The following PAX5 variants were observed in gnomAD, a reference collection of about 807,000 sequenced individuals.
PAX5 encodes paired box 5.
A neutral mutation model predicts 43.7 loss-of-function variants in PAX5; 9 were observed. The observed-to-expected ratio is 0.21, with a 90% CI of 0.12 to 0.36. The LOEUF (loss-of-function observed/expected upper bound fraction) is 0.36. Ranked by LOEUF, PAX5 falls within the 10% of genes least tolerant of loss-of-function variation. The probability of loss-of-function intolerance (pLI) is 1.00; values close to 1 mark genes in which losing one functional copy is unlikely to be tolerated. For missense variants in PAX5, 383 were observed against 532.7 expected (o/e 0.72, Z 2.77); for synonymous variants, 228 against 214.3 (o/e 1.06, Z -0.56).
intron 7 of PAX5, among the ~76,000 whole-genome samples, chr9:36,919,826 T>G (rs1829998589): frequency 2.7e-5 from 3 of 110,166 alleles, no homozygotes; most frequent in Admixed American, 2.7e-4. Flanking sequence ...GGCAACAGAG[T>G]GAGACTCTGT....
intron 6 of PAX5, chr9:36,930,757 G>A (rs931911594): frequency 1.1e-6 from 1 of 916,964 alleles, no homozygotes; most frequent in African/African-American, 1.7e-5. Context: ...AGAATCTGAG[G>A]GGTAAGGAGA....
intron 8 of PAX5, among the ~76,000 whole-genome samples, chr9:36,868,934 G>T (rs1305306558): frequency 6.6e-6 from 1 of 152,218 alleles, no homozygotes; most frequent in Admixed American, 6.5e-5. Flanking sequence ...GCACCATGCA[G>T]GTTGGGGGTG....
At chr9:37,033,750 G>T (rs1373785701) in intron 1 of PAX5, among the ~76,000 whole-genome samples, 1 of 152,198 alleles carries the variant, frequency 6.6e-6, no homozygotes, top group Non-Finnish European at 1.5e-5. Context: ...ACCCCCGGAA[G>T]GACGCCAGCG....
At chr9:36,906,920 C>T (rs891563739) in intron 7 of PAX5, among the ~76,000 whole-genome samples, 3 of 152,056 alleles carry the variant, frequency 2.0e-5, no homozygotes, top group African/African-American at 7.3e-5. Context: ...GTTGAGAAAC[C>T]GAGGTCACCA....
intron 8 of PAX5, among the ~76,000 whole-genome samples, chr9:36,875,698 CAG>C (rs1465098697): frequency 6.6e-6 from 1 of 152,088 alleles, no homozygotes; most frequent in African/African-American, 2.4e-5. Flanking sequence ...AAGGGAAACA[CAG>C]AGCTCTCTAA....
chr9:36,854,909 C>A (rs1259659213), intron 8 of PAX5, among the ~76,000 whole-genome samples: 1 of 152,232 alleles, frequency 6.6e-6, no homozygotes, highest in African/African-American at 2.4e-5. Flanking sequence ...CCGCGGACCC[C>A]ACAGCTGGAC....
chr9:37,026,627 G>A lies in PAX5; in HGVS notation c.47-5826C>T. On this transcript the variant is annotated intron_variant, in intron 1 of 9. Coordinates refer to ENST00000358127, the MANE Select transcript of PAX5 (RefSeq NM_016734.3). Reference sequence around the variant, plus strand: ...CCACGCCGCCGCCTCCCGGCGCCAAGGGGCTGCCCAGGGCGGATAGGGAGC... The same window carrying A: ...CCACGCCGCCGCCTCCCGGCGCCAAAGGGCTGCCCAGGGCGGATAGGGAGC... 3 of 1,352,228 alleles carry A rather than the reference G, an allele frequency of 2.2e-6. No homozygotes were observed. In the South Asian group the frequency reaches 3.7e-5, roughly 17 times the overall value. 83.8% of individuals were successfully genotyped at this position (1,352,228 alleles called of 1,614,324 possible). A position where few individuals can be genotyped will look rare whatever the true frequency, so the allele number is the denominator to read the frequency against.
intron 8 of PAX5, among the ~76,000 whole-genome samples, chr9:36,881,748 C>T (rs1019565819): frequency 3.3e-5 from 5 of 152,056 alleles, no homozygotes; most frequent in Non-Finnish European, 5.9e-5. Flanking sequence ...TGTTCAGACT[C>T]TGTACGTGGC....
intron 6 of PAX5, among the ~76,000 whole-genome samples, chr9:36,927,529 C>T (rs535145593): frequency 2.0e-5 from 3 of 152,138 alleles, no homozygotes; most frequent in Admixed American, 2.0e-4. Flanking sequence ...CTTTTTAAGA[C>T]AAGAAATCTT....
chr9:36,852,530 C>A lies in PAX5; in HGVS notation c.1013-5601G>T, dbSNP rs147849357. ...GGCGAGACTAGAAACAGAACGCTGGCAGTCAAGGAGCAGCTCCGAGGCCAT... is the reference window on the plus strand; with the variant it reads ...GGCGAGACTAGAAACAGAACGCTGGAAGTCAAGGAGCAGCTCCGAGGCCAT... On this transcript the variant is annotated intron_variant, in intron 8 of 9. Transcript: ENST00000358127. Among the ~76,000 whole-genome samples, 24 of 152,300 alleles carry A rather than the reference C, an allele frequency of 1.6e-4. No homozygotes were observed. In the East Asian group the frequency reaches 4.2e-3, roughly 27 times the overall value.
At chr9:37,019,857 T>C (rs1177820580) in intron 2 of PAX5, among the ~76,000 whole-genome samples, 1 of 152,178 alleles carries the variant, frequency 6.6e-6, no homozygotes, top group Non-Finnish European at 1.5e-5. Context: ...TTAGGCGTCA[T>C]TGCAACCCGG....
At chr9:36,940,423 G>A (rs1180875352) in intron 6 of PAX5, among the ~76,000 whole-genome samples, 2 of 152,156 alleles carry the variant, frequency 1.3e-5, no homozygotes, top group Non-Finnish European at 2.9e-5. Flanking sequence ...TGTGGTAATA[G>A]GAGCCACTCT....
chr9:36,954,391 T>C (rs1399763217), intron 6 of PAX5, among the ~76,000 whole-genome samples: 1 of 152,238 alleles, frequency 6.6e-6, no homozygotes, highest in East Asian at 1.9e-4. Flanking sequence ...CATATCTTTC[T>C]TATTGAAGTA....
At chr9:37,003,355 A>T (rs1838110860) in intron 4 of PAX5, among the ~76,000 whole-genome samples, 2 of 151,858 alleles carry the variant, frequency 1.3e-5, no homozygotes, top group South Asian at 4.2e-4. Context: ...GTTTCCCCCG[A>T]TTTGATTTTA....
intron 5 of PAX5, among the ~76,000 whole-genome samples, chr9:36,999,438 C>G (rs9408282): frequency 0.5 from 76,194 of 152,084 alleles, 19,510 homozygotes; most frequent in Middle Eastern, 0.69. Flanking sequence ...TTGCTCGCCA[C>G]CTTACCCTCT....
At chr9:36,847,234 AT>A (rs1034765443) in intron 8 of PAX5, among the ~76,000 whole-genome samples, 1 of 152,274 alleles carries the variant, frequency 6.6e-6, no homozygotes, top group African/African-American at 2.4e-5. Flanking sequence ...TCATTGGCTC[AT>A]TTTACATATG....
chr9:36,886,446 C>A lies in PAX5; in HGVS notation c.911-4341G>T, dbSNP rs144554157. Reference sequence around the variant, plus strand: ...AGGCCCATCAGAACTCTCCCGGCACCAAGCTGAGGAGTCTGTGACCTTGGA... The same window carrying A: ...AGGCCCATCAGAACTCTCCCGGCACAAAGCTGAGGAGTCTGTGACCTTGGA... On this transcript the variant is annotated intron_variant, in intron 7 of 9. Transcript: ENST00000358127. Among the ~76,000 whole-genome samples, 74 of 152,278 alleles carry A rather than the reference C, an allele frequency of 4.9e-4. 2 individuals carry two copies. The East Asian group carries it at 0.013, about 26-fold the overall frequency.
intron 3 of PAX5, among the ~76,000 whole-genome samples, chr9:37,011,246 C>T (rs1201527524): frequency 6.6e-6 from 1 of 152,052 alleles, no homozygotes; most frequent in African/African-American, 2.4e-5. Context: ...ACCTCCAGCC[C>T]GGGACAAGTT....
intron 4 of PAX5, 113 bp downstream of exon 4, chr9:37,006,360 A>G (rs1220339194): frequency 2.8e-6 from 2 of 708,068 alleles, no homozygotes; most frequent in Admixed American, 2.4e-5. Context: ...GCGCATTAGT[A>G]CGTGTGCTGA....
Sources: allele counts gnomAD v4.1 joint callset (sites outside exome capture counted in the v4.1 genomes callset), GRCh38; gene constraint gnomAD v4.1.1; transcripts MANE v1.5; gene names NCBI Gene and HGNC (gene_info 2026-07-23, HGNC 2026-07-21).